ALG1L2: variants seen among roughly 807,000 people sequenced by gnomAD.
The protein encoded by ALG1L2 is ALG1 chitobiosyldiphosphodolichol beta-mannosyltransferase like 2, also known as putative glycosyltransferase ALG1L2.
A neutral mutation model predicts 29.0 loss-of-function variants in ALG1L2; 32 were observed. The ratio of observed to expected loss-of-function variants is 1.10; its 90% CI spans 0.83 to 1.48. The LOEUF (loss-of-function observed/expected upper bound fraction) is 1.48, where lower values mean the gene tolerates loss of function less well. ALG1L2 is among the 40% of genes most tolerant of loss of function. The pLI is 0.00. For synonymous variants in ALG1L2, 110 were observed against 109.5 expected, an observed-to-expected ratio of 1.00 and a Z score of -0.03; for missense variants, 318 against 274.1, an observed-to-expected ratio of 1.16 and a Z score of -1.13.
Position 130,092,778 on chromosome 3 carries a change from C to T in ALG1L2, c.254-323C>T, listed in dbSNP as rs145005698. Among the ~76,000 whole-genome samples, 919 of 152,220 alleles carry T rather than the reference C, an allele frequency of 6.0e-3. 16 individuals carry two copies. Among genetic ancestry groups the T allele is most frequent in the African/African-American group, 0.021 (866 of 41,534 alleles). On this transcript the variant is annotated intron_variant, in intron 3 of 7. Transcript: ENST00000425059. ...GGGCATGGTGGCTCACACCTGTAAT[C>T]CTAGAACTCTGGGAGGCCGAGGCAG...
chr3:130,095,966 G>A (rs1462806201), intron 5 of ALG1L2, 83 bp from the exon 6 acceptor site: 6 of 1,440,078 alleles, frequency 4.2e-6, no homozygotes, highest in East Asian at 2.5e-5. Flanking sequence ...CTCCCCTCGG[G>A]GGGTGTTGCC....
At chr3:130,089,611 TTTTAC>T (rs1308062724) in intron 1 of ALG1L2, 1 of 152,310 alleles carries the variant, frequency 6.6e-6, no homozygotes, top group Non-Finnish European at 1.5e-5. Context: ...ATTTCACCCC[TTTTAC>T]TTTTTCTAAT....
chr3:130,089,592 G>T (rs1934965236), intron 1 of ALG1L2: 1 of 152,288 alleles, frequency 6.6e-6, no homozygotes, highest in African/African-American at 2.4e-5. Flanking sequence ...AAGTTTACTA[G>T]GAGAATTCAT....
Position 130,091,834 on chromosome 3 carries a change from A to T in ALG1L2, c.132-267A>T, listed in dbSNP as rs537984282. ...TGTGGGAGGGCGTCCTAGCACCCTC[A>T]TCTTGGGTCCAGGGGATGACAAGAC... is the stretch of plus-strand genomic sequence containing the variant. On this transcript the variant is annotated intron_variant, in intron 2 of 7. Coordinates refer to ENST00000425059, the MANE Select transcript of ALG1L2 (RefSeq NM_001136152.1). The T allele has an allele frequency of 5.8e-6, 4 of 686,972 alleles. No homozygotes were observed. The Admixed American group carries it at 6.4e-5, about 11-fold the overall frequency. 42.6% of individuals were successfully genotyped at this position (686,972 alleles called of 1,614,324 possible).
chr3:130,084,445 G>A (rs1317088006), intron 1 of ALG1L2, among the ~76,000 whole-genome samples: 2 of 145,624 alleles, frequency 1.4e-5, no homozygotes, highest in Admixed American at 7.1e-5. Flanking sequence ...TCCCTAGAGT[G>A]GGGTTTTATT....
intron 5 of ALG1L2, among the ~76,000 whole-genome samples, chr3:130,095,396 G>A (rs1340485021): frequency 7.0e-6 from 1 of 143,574 alleles, no homozygotes; most frequent in East Asian, 2.0e-4. Context: ...GGTTTGTGGT[G>A]GGTGTGCTGT....
chr3:130,082,047 G>A lies in ALG1L2; in HGVS notation c.20+11G>A, dbSNP rs1349033290. On this transcript the variant is annotated intron_variant, in intron 1 of 7. Coordinates refer to ENST00000425059, the MANE Select transcript of ALG1L2 (RefSeq NM_001136152.1). The stretch of plus-strand genomic sequence containing the variant: ...AGCTACTGCAGGCTGGTAAGCAGGG[G>A]GGTGGTGCTGGTTGGATTGCAATGC... 6.7e-7 allele frequency: 1 copy of A among 1,496,872 alleles called. No individual in the cohort carries two copies. Among genetic ancestry groups the A allele is most frequent in the Non-Finnish European group, 9.1e-7 (1 of 1,100,912 alleles). 92.7% of individuals were successfully genotyped at this position (1,496,872 alleles called of 1,614,324 possible).
intron 1 of ALG1L2, among the ~76,000 whole-genome samples, chr3:130,087,252 C>T (rs77119196): frequency 0.12 from 16,192 of 139,982 alleles, 633 homozygotes; most frequent in Non-Finnish European, 0.17. Flanking sequence ...GATAGTCCCA[C>T]CCCAAATGCA....
Position 130,096,110 on chromosome 3 carries a change from G to A in ALG1L2, c.486G>A (p.Lys162=). The A allele has an allele frequency of 5.6e-6, 9 of 1,611,950 alleles. No homozygotes were observed. The highest frequency in any genetic ancestry group is 7.6e-6 in the Non-Finnish European group (9 of 1,179,800). Residue 162 remains lysine (K), a synonymous_variant, in exon 6 of 8, where the codon AAG becomes AAA. Transcript: ENST00000425059. The part of the protein sequence containing the change: ...TSSSGLDLPM[K]VVDMFRCCLP... The stretch of plus-strand genomic sequence containing the variant: ...CCAGTGGCCTGGACCTGCCCATGAA[G>A]GTGGTGGACATGTTCAGGTGCTGTT...
chr3:130,090,280 C>G (rs779384654), intron 1 of ALG1L2, among the ~76,000 whole-genome samples: 1 of 152,262 alleles, frequency 6.6e-6, no homozygotes, highest in African/African-American at 2.4e-5. Context: ...CACTTGAACC[C>G]GGGAGGCAAG....
At chr3:130,092,483 G>A (rs1469139148) in intron 3 of ALG1L2, among the ~76,000 whole-genome samples, 3 of 152,168 alleles carry the variant, frequency 2.0e-5, no homozygotes, top group Non-Finnish European at 2.9e-5. Context: ...TGGGCTCGTC[G>A]GGGCCACTGA....
At chr3:130,095,571 G>A (rs1031182873) in intron 5 of ALG1L2, among the ~76,000 whole-genome samples, 2 of 151,710 alleles carry the variant, frequency 1.3e-5, no homozygotes, top group South Asian at 4.2e-4. Context: ...TGAGTAGCGG[G>A]GATTACAGGC....
In ALG1L2 at chr3:130,094,703, A is replaced by T. The variant is rs183043372; in HGVS notation, c.424+190A>T. Among the ~76,000 whole-genome samples the T allele has an allele frequency of 4.2e-3, 643 of 152,274 alleles. 9 individuals carry two copies. The highest frequency in any genetic ancestry group is 0.015 in the African/African-American group (603 of 41,564). ...GCCCCTCCCTGCCAGGTGGCCCCAGAGGCCCTTTACCAAGGGGTTTGAGGA... is the reference window on the plus strand; with the variant it reads ...GCCCCTCCCTGCCAGGTGGCCCCAGTGGCCCTTTACCAAGGGGTTTGAGGA... On this transcript the variant is annotated intron_variant, in intron 5 of 7. Coordinates refer to ENST00000425059, the MANE Select transcript of ALG1L2 (RefSeq NM_001136152.1).
rs557466292 is a variant in ALG1L2, at chr3:130,091,370, C to T, written c.130C>T (p.Arg44Cys). ...LGSTHSPFRA[R>C]SEPEDPDTER... is the part of the protein sequence containing the mutation. ...CAGCACGCACTCTCCGTTCAGGGCC[C>T]GGTAGGCCTCCCACCCTCAGCTGCC... Residue 44 changes from arginine to cysteine, a missense_variant and splice_region_variant, in exon 2 of 8, where the codon CGC becomes TGC. Coordinates refer to ENST00000425059, the MANE Select transcript of ALG1L2 (RefSeq NM_001136152.1). 1.2e-5 allele frequency: 19 copies of T among 1,596,526 alleles called. No individual in the cohort carries two copies. Among genetic ancestry groups the T allele is most frequent in the Admixed American group, 6.7e-5 (4 of 59,958 alleles).
chr3:130,094,350 A>G, intron 4 of ALG1L2, 53 bp from the exon 5 acceptor site: 1 of 1,566,316 alleles, frequency 6.4e-7, no homozygotes, highest in Non-Finnish European at 8.7e-7. Context: ...GCCTGGGGCT[A>G]TGTGGCAGGG....
chr3:130,092,743 T>G (rs1362439762), intron 3 of ALG1L2, among the ~76,000 whole-genome samples: 1 of 152,206 alleles, frequency 6.6e-6, no homozygotes, highest in Non-Finnish European at 1.5e-5. Flanking sequence ...TTAAAAATTT[T>G]TTTCTGAATG....
At chr3:130,088,698 G>C (rs532087215) in intron 1 of ALG1L2, among the ~76,000 whole-genome samples, 7 of 152,416 alleles carry the variant, frequency 4.6e-5, no homozygotes, top group Admixed American at 4.6e-4. Flanking sequence ...GATTAGAGAT[G>C]TGAGTCACTG....
At position 130,096,180 on chromosome 3, in the gene ALG1L2, A is replaced by G. The variant is rs2108124569; in HGVS notation, c.539+17A>G. ...CTTCAAGTGGTAGGAGCAGAACCCGAATTTTTTCTGGGGATAGCTTCACAG... is the reference window on the plus strand; with the variant it reads ...CTTCAAGTGGTAGGAGCAGAACCCGGATTTTTTCTGGGGATAGCTTCACAG... On this transcript the variant is annotated intron_variant, in intron 6 of 7. Transcript: ENST00000425059. 6.2e-7 allele frequency: 1 copy of G among 1,610,946 alleles called. No individual in the cohort carries two copies. Among genetic ancestry groups the G allele is most frequent in the East Asian group, 2.2e-5 (1 of 44,832 alleles).
chr3:130,091,322 C>T lies in ALG1L2; in HGVS notation c.82C>T (p.His28Tyr). The change falls in exon 2 of 8, where the codon CAC becomes TAC. Residue 28 changes from histidine to tyrosine, a missense_variant. His to Tyr is a moderately conservative substitution (Grantham distance 83, BLOSUM62 2). Coordinates refer to ENST00000425059, the MANE Select transcript of ALG1L2 (RefSeq NM_001136152.1). ...FFKEAPLDLQ[H>Y]RLFMKLGSTH... Reference sequence around the variant, plus strand: ...TAAAGAGGCACCTCTGGACCTGCAGCACCGGCTCTTCATGAAGCTGGGCAG... The same window carrying T: ...TAAAGAGGCACCTCTGGACCTGCAGTACCGGCTCTTCATGAAGCTGGGCAG... The T allele has an allele frequency of 6.3e-7, 1 of 1,598,176 alleles. No individual in the cohort carries two copies. The highest frequency in any genetic ancestry group is 8.5e-7 in the Non-Finnish European group (1 of 1,179,774).
Sources: gnomAD v4.1 joint callset for allele counts (sites outside exome capture counted in the v4.1 genomes callset) on GRCh38, gnomAD v4.1.1 for gene constraint, MANE v1.5 for transcripts, NCBI Gene and HGNC (gene_info 2026-07-23, HGNC 2026-07-21) for gene names.